The following KCND3 variants were observed in gnomAD, a reference collection of about 807,000 sequenced individuals.
KCND3 encodes the protein potassium voltage-gated channel subfamily D member 3.
A neutral mutation model predicts 51.1 loss-of-function variants in KCND3; 9 were observed. The observed-to-expected ratio is 0.18, with a 90% confidence interval of 0.11 to 0.31. The LOEUF is 0.31. KCND3 is among the 10% of genes least tolerant of loss of function. The probability of loss-of-function intolerance (pLI) is 1.00; values close to 1 mark genes in which losing one functional copy is unlikely to be tolerated. For missense variants in KCND3, 526 were observed against 903.8 expected (o/e 0.58, Z 5.36); for synonymous variants, 349 against 368.0 (o/e 0.95, Z 0.59).
rs146515405 is a variant in KCND3 at position 111,971,548 on chromosome 1, C to G, written c.1106+10073G>C. The stretch of plus-strand genomic sequence containing the variant: ...CTCCCCATGCCCTCTTCTCTTCCCT[C>G]CCTTCATCTTTCCCTGGCCAATCTC... On this transcript the variant is annotated intron_variant, in intron 2 of 7. Coordinates refer to ENST00000302127, the MANE Select transcript of KCND3 (RefSeq NM_001378969.1). Among the ~76,000 whole-genome samples the G allele has an allele frequency of 3.9e-4, 59 of 151,796 alleles. 1 individual carries two copies. Among genetic ancestry groups the G allele is most frequent in the African/African-American group, 1.4e-3 (57 of 41,366 alleles).
intron 2 of KCND3, among the ~76,000 whole-genome samples, chr1:111,793,198 C>T (rs1664913100): frequency 7.0e-6 from 1 of 143,628 alleles, no homozygotes; most frequent in Admixed American, 7.0e-5. Context: ...TTTTTTGAGA[C>T]AGAGTCTCGC....
intron 2 of KCND3, 131 bp from the exon 3 acceptor site, chr1:111,787,237 C>A: frequency 1.0e-6 from 1 of 958,906 alleles, no homozygotes; most frequent in Non-Finnish European, 1.6e-6. Context: ...CTACTATGTG[C>A]CAGGTACTGT....
At chr1:111,785,425 G>A (rs1380767924) in intron 3 of KCND3, among the ~76,000 whole-genome samples, 1 of 152,180 alleles carries the variant, frequency 6.6e-6, no homozygotes, top group Non-Finnish European at 1.5e-5. Context: ...CTGACCTTGG[G>A]TGAAGAGGTA....
chr1:111,975,584 T>A (rs1674583031), intron 2 of KCND3, among the ~76,000 whole-genome samples: 1 of 152,194 alleles, frequency 6.6e-6, no homozygotes, highest in Non-Finnish European at 1.5e-5. Flanking sequence ...GTATTTACTA[T>A]CTGGCAGCCA....
chr1:111,915,620 G>A (rs1671165571), intron 2 of KCND3, among the ~76,000 whole-genome samples: 1 of 151,906 alleles, frequency 6.6e-6, no homozygotes, highest in Admixed American at 6.6e-5. Flanking sequence ...GGGCGTGGTG[G>A]TGGGCGCCTG....
chr1:111,962,417 C>T (rs1673709005), intron 2 of KCND3, among the ~76,000 whole-genome samples: 1 of 152,136 alleles, frequency 6.6e-6, no homozygotes, highest in African/African-American at 2.4e-5. Context: ...CCCCTTTGGC[C>T]CGGGGGAGCT....
At chr1:111,910,369 T>G (rs571971237) in intron 2 of KCND3, 1 of 152,346 alleles carries the variant, frequency 6.6e-6, no homozygotes, top group African/African-American at 2.4e-5. Context: ...CACACTCCTG[T>G]CCCAATATCC....
chr1:111,815,667 G>T (rs533951777), intron 2 of KCND3, among the ~76,000 whole-genome samples: 1 of 151,288 alleles, frequency 6.6e-6, no homozygotes, highest in African/African-American at 2.4e-5. Flanking sequence ...CTATAAATTC[G>T]CACTTCTTGT....
At chr1:111,934,979 A>AT (rs1672152171) in intron 2 of KCND3, among the ~76,000 whole-genome samples, 1 of 152,180 alleles carries the variant, frequency 6.6e-6, no homozygotes, top group African/African-American at 2.4e-5. Context: ...TGATTTATTT[A>AT]TCTAGATCAG....
At chr1:111,920,535 C>T (rs767342855) in intron 2 of KCND3, among the ~76,000 whole-genome samples, 4 of 152,258 alleles carry the variant, frequency 2.6e-5, no homozygotes, top group Non-Finnish European at 4.4e-5. Context: ...TCTTCCCTCC[C>T]GTTTCTGAAA....
intron 2 of KCND3, among the ~76,000 whole-genome samples, chr1:111,916,075 G>T (rs1045066823): frequency 6.6e-6 from 1 of 152,070 alleles, no homozygotes; most frequent in Non-Finnish European, 1.5e-5. Context: ...CAACCTCCTC[G>T]ATCTAACTGA....
chr1:111,847,494 T>G (rs1667608536), intron 2 of KCND3, among the ~76,000 whole-genome samples: 1 of 152,190 alleles, frequency 6.6e-6, no homozygotes, highest in African/African-American at 2.4e-5. Context: ...CAGCCCAGAA[T>G]GCCATGGGCC....
intron 2 of KCND3, among the ~76,000 whole-genome samples, chr1:111,863,778 C>T (rs537899123): frequency 1.1e-4 from 16 of 152,188 alleles, no homozygotes; most frequent in African/African-American, 3.9e-4. Context: ...AATTTAAAAA[C>T]GGAGGCTGGA....
chr1:111,971,960 C>G (rs1295110901), intron 2 of KCND3, among the ~76,000 whole-genome samples: 2 of 152,304 alleles, frequency 1.3e-5, no homozygotes, highest in Admixed American at 6.5e-5. Context: ...AATCTTCTGG[C>G]TGACTTTCCT....
intron 2 of KCND3, among the ~76,000 whole-genome samples, chr1:111,923,082 C>G (rs1671549669): frequency 2.0e-5 from 3 of 152,180 alleles, no homozygotes; most frequent in Non-Finnish European, 1.5e-5. Context: ...TGCCTGACCT[C>G]TCAATCTCAG....
At chr1:111,841,188 C>T (rs1433700788) in intron 2 of KCND3, among the ~76,000 whole-genome samples, 2 of 152,176 alleles carry the variant, frequency 1.3e-5, no homozygotes, top group African/African-American at 4.8e-5. Flanking sequence ...GTTGGGACAT[C>T]GTCATCTGGG....
chr1:111,806,539 C>T (rs1665581454), intron 2 of KCND3, among the ~76,000 whole-genome samples: 1 of 152,216 alleles, frequency 6.6e-6, no homozygotes, highest in Admixed American at 6.5e-5. Context: ...ATTTACTCAT[C>T]TCACATGGTT....
At chr1:111,974,402 A>G (rs1674518459) in intron 2 of KCND3, among the ~76,000 whole-genome samples, 1 of 150,970 alleles carries the variant, frequency 6.6e-6, no homozygotes, top group African/African-American at 2.4e-5. Context: ...ACATCACTAG[A>G]GGATGAACAC....
chr1:111,844,185 G>C (rs1294206740), intron 2 of KCND3, among the ~76,000 whole-genome samples: 3 of 152,110 alleles, frequency 2.0e-5, no homozygotes, highest in Non-Finnish European at 4.4e-5. Context: ...AATGCCAGTG[G>C]GGGAAGAACA....
Sources: allele counts gnomAD v4.1 joint callset (sites outside exome capture counted in the v4.1 genomes callset), GRCh38; gene constraint gnomAD v4.1.1; transcripts MANE v1.5; gene names NCBI Gene and HGNC (gene_info 2026-07-23, HGNC 2026-07-21).